UROS: variants seen among roughly 807,000 people sequenced by gnomAD.
UROS encodes uroporphyrinogen III synthase, also known as uroporphyrinogen-III synthase.
UROS carries 18 observed loss-of-function variants against 33.0 expected under a neutral mutation model. That is an observed-to-expected ratio of 0.55 (90% CI 0.38 to 0.81). UROS has a LOEUF of 0.81. UROS is among the 30% of genes least tolerant of loss of function. UROS has a pLI of 0.00. For missense variants in UROS, 293 were observed against 314.9 expected (o/e 0.93, Z 0.53); for synonymous variants, 114 against 121.1 (o/e 0.94, Z 0.38).
downstream of UROS, among the ~76,000 whole-genome samples, chr10:125,787,393 C>A (rs374699587): frequency 4.6e-5 from 7 of 152,270 alleles, no homozygotes; most frequent in East Asian, 1.2e-3. Flanking sequence ...GCTTCTCCAG[C>A]CTCTTCACCA....
chr10:125,799,215 C>T (rs1311181133), intron 6 of UROS, among the ~76,000 whole-genome samples: 1 of 152,210 alleles, frequency 6.6e-6, no homozygotes, highest in Admixed American at 6.5e-5. Context: ...TTTATTTAAA[C>T]TGCTCTGTAA....
At chr10:125,789,190 T>G in intron 9 of UROS, 185 bp from the exon 10 acceptor site, 1 of 1,428,538 alleles carries the variant, frequency 7.0e-7, no homozygotes, top group Non-Finnish European at 9.3e-7. Context: ...AAAATACCTC[T>G]GCATCCACGC....
intron 1 of UROS, among the ~76,000 whole-genome samples, chr10:125,817,582 C>G (rs1590013117): frequency 6.6e-6 from 1 of 151,978 alleles, no homozygotes; most frequent in East Asian, 1.9e-4. Context: ...TCTGCCCTAC[C>G]AAGCCTTAGG....
At chr10:125,803,628 G>C (rs1339920937) in intron 6 of UROS, among the ~76,000 whole-genome samples, 1 of 152,210 alleles carries the variant, frequency 6.6e-6, no homozygotes, top group East Asian at 1.9e-4. Context: ...CGCTAAGAGG[G>C]AGCAGGCAGT....
At chr10:125,800,720 C>T (rs1341335283) in intron 6 of UROS, among the ~76,000 whole-genome samples, 1 of 151,914 alleles carries the variant, frequency 6.6e-6, no homozygotes, top group East Asian at 1.9e-4. Flanking sequence ...GCCACCAAGC[C>T]CAGGTAATTT....
At chr10:125,789,260 G>GAAC (rs1395018543) in intron 9 of UROS, 8 of 1,413,440 alleles carry the variant, frequency 5.7e-6, no homozygotes, top group Non-Finnish European at 7.4e-6. Flanking sequence ...GCAGGGACTT[G>GAAC]AAGGCCCCAG....
Position 125,798,165 on chromosome 10 carries a change from C to G in UROS, c.395-20G>C, listed in dbSNP as rs747999871. On this transcript the variant is annotated intron_variant, in intron 6 of 9. Coordinates refer to ENST00000368797, the MANE Select transcript of UROS (RefSeq NM_000375.3). ...ACTCCCCTGTGAATAAATAACCAGG[C>G]TTTGTGAAAACTCAGGGCCAGTGCC... 3.1e-6 allele frequency: 5 copies of G among 1,612,924 alleles called. No homozygotes were observed. The Admixed American group carries it at 8.3e-5, about 27-fold the overall frequency.
In UROS at chr10:125,796,102, C is replaced by G; in HGVS notation, c.561+1G>C. The G allele has an allele frequency of 6.2e-7, 1 of 1,614,156 alleles. No homozygotes were observed. Among genetic ancestry groups the G allele is most frequent in the Non-Finnish European group, 8.5e-7 (1 of 1,180,036 alleles). On this transcript the variant is annotated splice_donor_variant, in intron 8 of 9. Transcript: ENST00000368797. LOFTEE classifies it high-confidence loss of function. ...CAGAACCGCCCCCAAACGCCACGTA[C>G]CTGCTGGGAATAGTAGCTGTTCAGG...
chr10:125,805,680 T>C (rs2133888611), intron 6 of UROS, among the ~76,000 whole-genome samples: 1 of 152,280 alleles, frequency 6.6e-6, no homozygotes, highest in South Asian at 2.1e-4. Context: ...TAAATAGCCG[T>C]ATGTGGCTAG....
intron 4 of UROS, among the ~76,000 whole-genome samples, chr10:125,813,731 G>C (rs984440849): frequency 1.5e-4 from 23 of 152,278 alleles, no homozygotes; most frequent in African/African-American, 5.1e-4. Flanking sequence ...TGCCCACCTT[G>C]GCCTCCCAAA....
chr10:125,812,687 C>T (rs1852920781), intron 4 of UROS, among the ~76,000 whole-genome samples: 1 of 152,108 alleles, frequency 6.6e-6, no homozygotes, highest in Admixed American at 6.5e-5. Flanking sequence ...CAAGGAAATC[C>T]AATTGGTTTA....
At chr10:125,821,049 G>A (rs1477033707) in intron 1 of UROS, among the ~76,000 whole-genome samples, 1 of 152,184 alleles carries the variant, frequency 6.6e-6, no homozygotes, top group African/African-American at 2.4e-5. Flanking sequence ...CCTGTTTACT[G>A]TGAAAGATTT....
At chr10:125,786,278 C>CTTTTTT (rs751762144), downstream of UROS, among the ~76,000 whole-genome samples, 1 of 138,544 alleles carries the variant, frequency 7.2e-6, no homozygotes, top group Non-Finnish European at 1.6e-5. Context: ...GCACATGAAC[C>CTTTTTT]TTTTTTTTTT....
chr10:125,796,010 T>C (rs1851320156), intron 8 of UROS, 93 bp downstream of exon 8: 1 of 1,134,090 alleles, frequency 8.8e-7, no homozygotes, highest in African/African-American at 1.5e-5. Flanking sequence ...TGAAACCACA[T>C]ATAGAACCAA....
intron 1 of UROS, among the ~76,000 whole-genome samples, chr10:125,821,469 G>A (rs1452988575): frequency 1.3e-5 from 2 of 152,204 alleles, no homozygotes; most frequent in East Asian, 3.8e-4. Context: ...AGGTCATGGA[G>A]GGAAAATAAG....
At chr10:125,801,407 T>A (rs1448443125) in intron 6 of UROS, among the ~76,000 whole-genome samples, 1 of 152,212 alleles carries the variant, frequency 6.6e-6, no homozygotes, top group African/African-American at 2.4e-5. Context: ...ATTAAATGGA[T>A]TAATAGCTTT....
At chr10:125,806,240 A>G (rs1419919396) in intron 6 of UROS, among the ~76,000 whole-genome samples, 1 of 152,188 alleles carries the variant, frequency 6.6e-6, no homozygotes, top group Non-Finnish European at 1.5e-5. Context: ...TTTTTAAATA[A>G]CATAAATACT....
intron 6 of UROS, among the ~76,000 whole-genome samples, chr10:125,801,903 G>A (rs551092980): frequency 6.6e-6 from 1 of 152,320 alleles, no homozygotes; most frequent in South Asian, 2.1e-4. Flanking sequence ...ACGACTCAGA[G>A]GTTCACTTCT....
At chr10:125,813,771 G>T (rs570143391) in intron 4 of UROS, among the ~76,000 whole-genome samples, 1 of 152,228 alleles carries the variant, frequency 6.6e-6, no homozygotes, top group Non-Finnish European at 1.5e-5. Context: ...GAGCCACTGC[G>T]CCTGGCTGGC....
Sources: gnomAD v4.1 joint callset for allele counts (sites outside exome capture counted in the v4.1 genomes callset) on GRCh38, gnomAD v4.1.1 for gene constraint, MANE v1.5 for transcripts, NCBI Gene and HGNC (gene_info 2026-07-23, HGNC 2026-07-21) for gene names.